OFD1: variants seen among roughly 807,000 people sequenced by gnomAD.
OFD1 encodes OFD1 centriole and centriolar satellite protein, also known as centriole and centriolar satellite protein OFD1.
In OFD1, 12 loss-of-function variants were observed where a neutral mutation model predicts 81.4. That is an observed-to-expected ratio of 0.15 (90% confidence interval 0.09 to 0.24). The LOEUF (loss-of-function observed/expected upper bound fraction) is 0.24, where lower values mean the gene tolerates loss of function less well. Among genes scored for constraint, OFD1 ranks in the 10% least tolerant of loss-of-function variants. OFD1 has a pLI of 1.00. For synonymous variants in OFD1, 256 were observed against 263.7 expected, an observed-to-expected ratio of 0.97 and a Z score of 0.28; for missense variants, 685 against 733.9, an observed-to-expected ratio of 0.93 and a Z score of 0.77.
upstream of OFD1, chrX:13,734,721 A>G: frequency 9.9e-7 from 1 of 1,007,585 alleles, no homozygotes; most frequent in Non-Finnish European, 1.3e-6. Context: ...GGAAGGCTAT[A>G]TTTAGCAGGT....
At chrX:13,733,856 A>G (rs2046740340), upstream of OFD1, among the ~76,000 whole-genome samples, 1 of 110,673 alleles carries the variant, frequency 9.0e-6, no homozygotes, top group African/African-American at 3.3e-5. Flanking sequence ...ATAAAGACAC[A>G]CTTTTTCCAC....
chrX:13,719,111 C>T, the OFD1 span, among the ~76,000 whole-genome samples: 2 of 111,010 alleles, frequency 1.8e-5, no homozygotes, highest in Middle Eastern at 4.2e-3. Context: ...GAGCTGAGAT[C>T]GTGTCACTGC....
upstream of OFD1, chrX:13,734,740 G>A (rs957764414): frequency 2.0e-5 from 21 of 1,025,892 alleles, no homozygotes; most frequent in African/African-American, 9.6e-5. Context: ...GTTTCCGGAA[G>A]TTGCCGGACT....
chrX:13,769,912 G>GTCTT (rs1184680045), downstream of OFD1, among the ~76,000 whole-genome samples: 2 of 112,142 alleles, frequency 1.8e-5, no homozygotes, highest in Admixed American at 9.4e-5. Flanking sequence ...TACATTTCTG[G>GTCTT]TCTTTGTAAG....
chrX:13,722,274 T>C, the OFD1 span: 1 of 98,369 alleles, frequency 1.0e-5, no homozygotes, highest in Non-Finnish European at 2.0e-5. Flanking sequence ...TACACATATG[T>C]ATAAGCAAGA....
chrX:13,734,699 C>G (rs1369340309), upstream of OFD1: 3 of 968,991 alleles, frequency 3.1e-6, no homozygotes, highest in Non-Finnish European at 3.9e-6. Context: ...TGCGCCGTAG[C>G]TCTTCAGCTC....
At chrX:13,738,686 A>G (rs190474193) in intron 3 of OFD1, 160 bp from the exon 4 acceptor site, 103 of 426,636 alleles carry the variant, frequency 2.4e-4, no homozygotes, top group African/African-American at 2.3e-3. Flanking sequence ...AATTTATTTA[A>G]CAGTGTAAGA....
Position 13,755,236 on chromosome X carries a change from A to C in OFD1, c.1215A>C (p.Glu405Asp), listed in dbSNP as rs772129129. 2.6e-6 allele frequency: 3 copies of C among 1,171,175 alleles called. No individual in the cohort carries two copies. In the East Asian group the frequency reaches 8.9e-5, roughly 35 times the overall value. Residue 405 changes from glutamate to aspartate, a missense_variant, in exon 12 of 23, where the codon GAA becomes GAC. Transcript: ENST00000340096. ...ATCAATCTGTAAATCGTGTGAAAGA[A>C]CTTGAGGTAATTGTTAAGCATGTTG... is the stretch of plus-strand genomic sequence containing the variant. Reference protein sequence around the residue: ...ELNQSVNRVKELELELESVKA... With the variant: ...ELNQSVNRVKDLELELESVKA...
At chrX:13,766,004 T>C (rs1232965516) in intron 19 of OFD1, among the ~76,000 whole-genome samples, 1 of 111,807 alleles carries the variant, frequency 8.9e-6, no homozygotes, top group Non-Finnish European at 1.9e-5. Flanking sequence ...TGCTACAGGC[T>C]GAGGAGACAG....
At chrX:13,723,833 T>C in the OFD1 span, among the ~76,000 whole-genome samples, 1 of 110,919 alleles carries the variant, frequency 9.0e-6, no homozygotes, top group Non-Finnish European at 1.9e-5. Flanking sequence ...CACATCCTAA[T>C]CTCTGCAACT....
upstream of OFD1, among the ~76,000 whole-genome samples, chrX:13,734,362 T>G (rs746663833): frequency 4.1e-4 from 44 of 107,520 alleles, no homozygotes; most frequent in Non-Finnish European, 6.0e-4. Context: ...CGTCTGCAGG[T>G]GGAAGGGCTG....
At position 13,768,968 on chromosome X, in the gene OFD1, C is replaced by T. The variant is rs2048238247; in HGVS notation, c.2997-98C>T. 1.0e-5 allele frequency: 8 copies of T among 772,001 alleles called. No homozygotes were observed. The South Asian group carries it at 1.3e-4, about 12-fold the overall frequency. 63.6% of individuals were successfully genotyped at this position (772,001 alleles called of 1,213,427 possible). A position where few individuals can be genotyped will look rare whatever the true frequency, so the allele number is the denominator to read the frequency against. On this transcript the variant is annotated intron_variant, in intron 22 of 22. Coordinates refer to ENST00000340096, the MANE Select transcript of OFD1 (RefSeq NM_003611.3). ...TCCTGATATAAATTGTAAACTAGGG[C>T]AGAAACCCCCCAGGGAAGGAATTGA...
chrX:13,756,494 A>G lies in OFD1; in HGVS notation c.1222-84A>G, dbSNP rs752844384. 1.4e-4 allele frequency: 102 copies of G among 721,795 alleles called. No individual in the cohort carries two copies. In the African/African-American group the frequency reaches 1.7e-3, roughly 12 times the overall value. 59.5% of individuals were successfully genotyped at this position (721,795 alleles called of 1,213,427 possible). On this transcript the variant is annotated intron_variant, in intron 12 of 22. Transcript: ENST00000340096. ...GTGACCTTAATTAAATTGTGACACC[A>G]TGCTTAAAGGAGCCTGCCAGCTTTT...
intron 16 of OFD1, 75 bp downstream of exon 16, chrX:13,760,795 G>A (rs960528671): frequency 5.2e-6 from 6 of 1,147,759 alleles, no homozygotes; most frequent in Admixed American, 2.3e-5. Context: ...CAGGGTTGCC[G>A]TGAGGGTCAG....
chrX:13,757,764 G>C lies in OFD1; in HGVS notation c.1516G>C (p.Ala506Pro). ...EHEEFESCRQALHKQLQDEIE... is the reference protein window; with the variant it reads ...EHEEFESCRQPLHKQLQDEIE... Reference sequence around the variant, plus strand: ...TGAGGAGTTCGAAAGCTGCAGGCAAGCTCTGCACAAACAACTGCAAGACGA... The same window carrying C: ...TGAGGAGTTCGAAAGCTGCAGGCAACCTCTGCACAAACAACTGCAAGACGA... The change falls in exon 14 of 23, where the codon GCT becomes CCT. Residue 506 changes from alanine (A) to proline (P), a missense_variant. Physicochemically the swap from Ala to Pro is conservative, Grantham distance 27 (BLOSUM62 -1). Around this residue, in one of 3 missense-constraint regions of OFD1, gnomAD observed 414 missense variants for 447.2 expected, o/e 0.93. Coordinates refer to ENST00000340096, the MANE Select transcript of OFD1 (RefSeq NM_003611.3). 8.3e-7 allele frequency: 1 copy of C among 1,211,113 alleles called. No individual in the cohort carries two copies. The highest frequency in any genetic ancestry group is 1.1e-6 in the Non-Finnish European group (1 of 895,009).
chrX:13,739,541 T>A (rs1228184027), intron 5 of OFD1, among the ~76,000 whole-genome samples: 5 of 110,466 alleles, frequency 4.5e-5, no homozygotes, highest in Non-Finnish European at 9.5e-5. Context: ...AGGTCGGGAG[T>A]TCGAGATCAG....
downstream of OFD1, chrX:13,773,128 G>C: frequency 1.0e-5 from 7 of 702,043 alleles, no homozygotes; most frequent in Non-Finnish European, 1.5e-5. Flanking sequence ...AAGGGGCGAA[G>C]GTTAATTCTG....
At position 13,760,648 on chromosome X, in the gene OFD1, T is replaced by A. The variant is rs780934031; in HGVS notation, c.2188T>A (p.Ser730Thr). Residue 730 changes from serine (S) to threonine (T), a missense_variant, in exon 16 of 23, where the codon TCC becomes ACC. Around this residue, in one of 3 missense-constraint regions of OFD1, gnomAD observed 259 missense variants for 254.4 expected, o/e 1.02. Transcript: ENST00000340096. ...AGCCTCGAGGCTCCGCGGGGGCACT[T>A]CCTCCAGACGCCTCTCTTCCACACC... ...SAASRLRGGTSSRRLSSTPLP... is the reference protein window; with the variant it reads ...SAASRLRGGTTSRRLSSTPLP... The A allele has an allele frequency of 8.3e-7, 1 of 1,210,946 alleles. No homozygotes were observed. The highest frequency in any genetic ancestry group is 2.2e-5 in the Admixed American group (1 of 46,048).
At chrX:13,772,746 C>A, downstream of OFD1, 1 of 513,450 alleles carries the variant, frequency 1.9e-6, no homozygotes, top group African/African-American at 2.3e-5. Flanking sequence ...AGATACATCC[C>A]AGCAGCTTGA....
Sources: allele counts gnomAD v4.1 joint callset (sites outside exome capture counted in the v4.1 genomes callset), GRCh38; gene constraint gnomAD v4.1.1; regional missense constraint gnomAD v4.1.1; transcripts MANE v1.5; gene names NCBI Gene and HGNC (gene_info 2026-07-23, HGNC 2026-07-21).